BLTP3B: variants seen among roughly 807,000 people sequenced by gnomAD.
BLTP3B encodes the protein UHRF1 (ICBP90) binding protein 1-like.
At chr12:100,100,652 CA>C in the BLTP3B span, among the ~76,000 whole-genome samples, 32 of 151,784 alleles carry the variant, frequency 2.1e-4, no homozygotes, top group African/African-American at 7.2e-4. Flanking sequence ...GTCAAGGCTG[CA>C]GTGAGCCAAG....
At chr12:100,132,089 GCCACAC>G in the BLTP3B span, among the ~76,000 whole-genome samples, 1 of 152,176 alleles carries the variant, frequency 6.6e-6, no homozygotes, top group Non-Finnish European at 1.5e-5. Context: ...ACCGTGCCCA[GCCACAC>G]CCACTGTTAA....
the BLTP3B span, among the ~76,000 whole-genome samples, chr12:100,045,572 T>G: frequency 6.6e-6 from 1 of 152,106 alleles, no homozygotes; most frequent in African/African-American, 2.4e-5. Context: ...TACACAAAAA[T>G]TAACTGAAGA....
the BLTP3B span, among the ~76,000 whole-genome samples, chr12:100,130,000 A>T: frequency 1.3e-5 from 2 of 152,168 alleles, no homozygotes; most frequent in African/African-American, 4.8e-5. Flanking sequence ...TCTGTTGCCC[A>T]GGCTAGAGTG....
the BLTP3B span, chr12:100,048,070 A>G: frequency 6.2e-7 from 1 of 1,613,350 alleles, no homozygotes; most frequent in Non-Finnish European, 8.5e-7. Flanking sequence ...GAAGTTTTCT[A>G]TGTGGCACTG....
At chr12:100,084,412 A>AGAGAG in the BLTP3B span, 1 of 1,308,104 alleles carries the variant, frequency 7.6e-7, no homozygotes, top group Non-Finnish European at 1.1e-6. Flanking sequence ...ACACACACAC[A>AGAGAG]CACACACACA....
At chr12:100,099,338 ATAATC>A in the BLTP3B span, among the ~76,000 whole-genome samples, 1 of 150,866 alleles carries the variant, frequency 6.6e-6, no homozygotes, top group African/African-American at 2.4e-5. Flanking sequence ...TATTAAAACA[ATAATC>A]TAAGCTGGGC....
At chr12:100,142,816 C>T in the BLTP3B span, 2 of 856,286 alleles carry the variant, frequency 2.3e-6, no homozygotes, top group East Asian at 3.2e-5. Context: ...GAGCATCACG[C>T]TCAGGCCGCC....
the BLTP3B span, among the ~76,000 whole-genome samples, chr12:100,063,425 G>A: frequency 5.3e-5 from 8 of 152,094 alleles, no homozygotes; most frequent in African/African-American, 9.7e-5. Context: ...GGAGAATACC[G>A]GCCAGGCACA....
the BLTP3B span, chr12:100,098,346 T>C: frequency 6.4e-7 from 1 of 1,560,422 alleles, no homozygotes; most frequent in Non-Finnish European, 8.7e-7. Flanking sequence ...AAGAAAAAAA[T>C]GTTACCTCTC....
chr12:100,102,205 G>A, the BLTP3B span, among the ~76,000 whole-genome samples: 2 of 151,732 alleles, frequency 1.3e-5, no homozygotes, highest in Admixed American at 6.6e-5. Context: ...CGCCTCCCGG[G>A]TTCAAGCAAT....
chr12:100,101,015 G>A, the BLTP3B span, among the ~76,000 whole-genome samples: 1 of 152,128 alleles, frequency 6.6e-6, no homozygotes, highest in Non-Finnish European at 1.5e-5. Flanking sequence ...ACAAGAATTA[G>A]GAAGAACACT....
the BLTP3B span, among the ~76,000 whole-genome samples, chr12:100,097,663 C>G: frequency 2.0e-5 from 3 of 152,070 alleles, no homozygotes; most frequent in African/African-American, 7.2e-5. Context: ...TTGCATTATT[C>G]CATCAAATTC....
the BLTP3B span, among the ~76,000 whole-genome samples, chr12:100,131,033 G>GAGAT: frequency 1.8e-5 from 2 of 113,312 alleles, no homozygotes; most frequent in Non-Finnish European, 3.6e-5. Context: ...GAGAGAGAGA[G>GAGAT]AAAGAGTTTT....
chr12:100,098,749 A>C, the BLTP3B span, among the ~76,000 whole-genome samples: 15 of 151,586 alleles, frequency 9.9e-5, no homozygotes, highest in Non-Finnish European at 1.6e-4. Context: ...TAAAAAAAAA[A>C]ACACAAAAAA....
the BLTP3B span, among the ~76,000 whole-genome samples, chr12:100,073,007 T>A: frequency 3.3e-5 from 5 of 152,348 alleles, no homozygotes; most frequent in East Asian, 7.7e-4. Flanking sequence ...GAAAACTCTA[T>A]AATCTTTTTG....
chr12:100,074,919 C>T, the BLTP3B span, among the ~76,000 whole-genome samples: 2 of 152,048 alleles, frequency 1.3e-5, no homozygotes, highest in African/African-American at 2.4e-5. Context: ...ATTCAACAAT[C>T]ACAAGCAATG....
the BLTP3B span, among the ~76,000 whole-genome samples, chr12:100,135,166 T>C: frequency 6.6e-6 from 1 of 152,190 alleles, no homozygotes; most frequent in East Asian, 1.9e-4. Flanking sequence ...ATATTGGTGG[T>C]CTTCGTATGT....
At chr12:100,072,995 C>T in the BLTP3B span, among the ~76,000 whole-genome samples, 1 of 152,160 alleles carries the variant, frequency 6.6e-6, no homozygotes, top group African/African-American at 2.4e-5. Flanking sequence ...ATCAACTATT[C>T]AGAAAACTCT....
the BLTP3B span, among the ~76,000 whole-genome samples, chr12:100,109,125 A>G: frequency 6.8e-6 from 1 of 146,602 alleles, no homozygotes; most frequent in South Asian, 2.2e-4. Context: ...GAGTTCTCAC[A>G]AGATCTGATG....
Sources: allele counts gnomAD v4.1 joint callset (sites outside exome capture counted in the v4.1 genomes callset), GRCh38; gene constraint gnomAD v4.1.1; transcripts MANE v1.5; gene names NCBI Gene and HGNC (gene_info 2026-07-23, HGNC 2026-07-21).